F9: variants seen among roughly 807,000 people sequenced by gnomAD.
The protein encoded by F9 is Christmas factor.
A neutral mutation model predicts 34.1 loss-of-function variants in F9; 2 were observed. That is an observed-to-expected ratio of 0.06 (90% CI 0.02 to 0.18). The LOEUF (loss-of-function observed/expected upper bound fraction) is 0.18. Ranked by LOEUF, F9 falls within the 10% of genes least tolerant of loss-of-function variation. F9 has a pLI of 1.00. For synonymous variants in F9, 137 were observed against 118.8 expected, an observed-to-expected ratio of 1.15 and a Z score of -1.00; for missense variants, 216 against 345.1, an observed-to-expected ratio of 0.63 and a Z score of 2.96.
At chrX:139,536,216 C>CATATATGTACACACATATATGT (rs1234858162) in intron 1 of F9, among the ~76,000 whole-genome samples, 3 of 89,257 alleles carry the variant, frequency 3.4e-5, no homozygotes, top group Non-Finnish European at 4.5e-5. Flanking sequence ...TATACACACA[C>CATATATGTACACACATATATGT]ATATATATGT....
chrX:139,558,693 G>A lies in F9; in HGVS notation c.724-2048G>A, dbSNP rs4149738. Among the ~76,000 whole-genome samples, 459 of 111,998 alleles carry A rather than the reference G, an allele frequency of 4.1e-3. 1 individual carries two copies. The highest frequency in any genetic ancestry group is 0.014 in the African/African-American group (437 of 30,797). ...ACAAAGTATGTAGCCATTCCTGCCC[G>A]GAGTGAGGACTTTTAAAACATAAAG... On this transcript the variant is annotated intron_variant, in intron 6 of 7. Transcript: ENST00000218099.
rs140835723 is a variant in F9, at chrX:139,551,237, T to C, written c.696T>C (p.Asp232=). 233 of 1,209,478 alleles carry C rather than the reference T, an allele frequency of 1.9e-4. No individual in the cohort carries two copies. In the African/African-American group the frequency reaches 3.8e-3, roughly 20 times the overall value. Residue 232 remains aspartate, a synonymous_variant, in exon 6 of 8, where the codon GAT becomes GAC. Transcript: ENST00000218099. ...NDFTRVVGGE[D]AKPGQFPWQV... is the part of the protein sequence containing the mutation. ...TCACTCGGGTTGTTGGTGGAGAAGA[T>C]GCCAAACCAGGTCAATTCCCTTGGC...
At chrX:139,537,277 T>C (rs773550547) in intron 2 of F9, 85 bp from the exon 3 acceptor site, 1 of 1,086,948 alleles carries the variant, frequency 9.2e-7, no homozygotes, top group East Asian at 3.1e-5. Context: ...TATATTTATG[T>C]ATGTTAAATG....
At chrX:139,548,288 T>G in intron 4 of F9, 75 bp from the exon 5 acceptor site, 1 of 1,093,212 alleles carries the variant, frequency 9.1e-7, no homozygotes, top group Admixed American at 2.2e-5. Context: ...GACCCATACA[T>G]GAGTCAGTAG....
Position 139,537,018 on chromosome X carries a change from G to C in F9, c.97G>C (p.Asp33His), listed in dbSNP as rs2148356001. The change falls in exon 2 of 8, where the codon GAT becomes CAT. Residue 33 changes from aspartate (D) to histidine (H), a missense_variant. Physicochemically the swap from Asp to His is moderately conservative, Grantham distance 81. This residue lies in a region of F9 where 39 missense variants were observed against 33.3 expected (regional missense o/e 1.17). Coordinates refer to ENST00000218099, the MANE Select transcript of F9 (RefSeq NM_000133.4). Reference protein sequence around the residue: ...LLSAECTVFLDHENANKILNR... With the variant: ...LLSAECTVFLHHENANKILNR... ...ATTCTTTTACATTTCAGTTTTTCTTGATCATGAAAACGCCAACAAAATTCT... is the reference window on the plus strand; with the variant it reads ...ATTCTTTTACATTTCAGTTTTTCTTCATCATGAAAACGCCAACAAAATTCT... The C allele has an allele frequency of 2.5e-6, 3 of 1,205,353 alleles. No homozygotes were observed. The East Asian group carries it at 8.9e-5, about 36-fold the overall frequency.
chrX:139,555,078 A>T (rs998490056), intron 6 of F9, among the ~76,000 whole-genome samples: 3 of 112,469 alleles, frequency 2.7e-5, no homozygotes, highest in African/African-American at 9.7e-5. Flanking sequence ...TCTGACCTCC[A>T]TTAAGAAAGC....
intron 1 of F9, among the ~76,000 whole-genome samples, chrX:139,534,887 A>G (rs1927420994): frequency 9.0e-6 from 1 of 111,568 alleles, no homozygotes; most frequent in Non-Finnish European, 1.9e-5. Context: ...TGAGGCATCA[A>G]TATGTGGTGG....
chrX:139,537,322 T>C (rs765856466), intron 2 of F9, 40 bp from the exon 3 acceptor site: 15 of 1,157,673 alleles, frequency 1.3e-5, no homozygotes, highest in Non-Finnish European at 1.5e-5. Context: ...CAAAACACTT[T>C]AGATATTACC....
At chrX:139,551,815 A>G (rs184489894) in intron 6 of F9, among the ~76,000 whole-genome samples, 1 of 111,551 alleles carries the variant, frequency 9.0e-6, no homozygotes, top group East Asian at 2.9e-4. Context: ...CACTAGACCT[A>G]CCAAATCAGA....
chrX:139,536,290 T>G (rs746885014), intron 1 of F9, among the ~76,000 whole-genome samples: 50 of 101,012 alleles, frequency 4.9e-4, no homozygotes, highest in Middle Eastern at 0.01. Flanking sequence ...CACACACACA[T>G]AGAGAGAGAG....
chrX:139,553,783 A>T (rs2148363814), intron 6 of F9, among the ~76,000 whole-genome samples: 1 of 93,988 alleles, frequency 1.1e-5, no homozygotes, highest in Non-Finnish European at 2.1e-5. Context: ...ACTGCACTCC[A>T]GCCTGGGCGA....
At chrX:139,549,608 G>T (rs1203889270) in intron 5 of F9, among the ~76,000 whole-genome samples, 1 of 112,641 alleles carries the variant, frequency 8.9e-6, no homozygotes, top group Non-Finnish European at 1.9e-5. Flanking sequence ...GCAGGAACAT[G>T]TCCTTAAGGC....
At position 139,563,379 on chromosome X, in the gene F9, A is replaced by G. The variant is rs1928170322; in HGVS notation, c.*1308A>G. 1 of 111,657 alleles carries G rather than the reference A, an allele frequency of 9.0e-6. No individual in the cohort carries two copies. Among genetic ancestry groups the G allele is most frequent in the African/African-American group, 3.3e-5 (1 of 30,708 alleles). 9.2% of individuals were successfully genotyped at this position (111,657 alleles called of 1,213,427 possible). A position where few individuals can be genotyped will look rare whatever the true frequency, so the allele number is the denominator to read the frequency against. ...CATTTTGATTATAGTTAATCCTTCT[A>G]TCTTGAATCTTCTAGAGAGTTGCTG... On this transcript the variant is annotated 3_prime_UTR_variant, in exon 8 of 8. Transcript: ENST00000218099.
intron 5 of F9, 138 bp downstream of exon 5, chrX:139,548,629 C>T (rs1283646930): frequency 1.3e-5 from 8 of 599,753 alleles, no homozygotes; most frequent in Admixed American, 4.4e-5. Context: ...TTGAATTAGA[C>T]CAATTAATTT....
chrX:139,552,611 A>T (rs894053397), intron 6 of F9, among the ~76,000 whole-genome samples: 1 of 112,398 alleles, frequency 8.9e-6, no homozygotes, highest in African/African-American at 3.2e-5. Context: ...CAATTCCTCA[A>T]TTGCACCTGC....
chrX:139,539,507 C>T (rs1407144938), intron 3 of F9, among the ~76,000 whole-genome samples: 1 of 112,232 alleles, frequency 8.9e-6, no homozygotes, highest in Non-Finnish European at 1.9e-5. Context: ...TTGCCTGAAC[C>T]CAAAGTACAC....
At chrX:139,545,443 G>A in intron 4 of F9, among the ~76,000 whole-genome samples, 1 of 111,457 alleles carries the variant, frequency 9.0e-6, no homozygotes, top group South Asian at 3.7e-4. Context: ...AAAACAAGAT[G>A]GCAGGAATAA....
chrX:139,555,855 A>G (rs1648447050), intron 6 of F9, among the ~76,000 whole-genome samples: 1 of 111,874 alleles, frequency 8.9e-6, no homozygotes, highest in Admixed American at 9.5e-5. Context: ...ATATTAGTGA[A>G]AAAAGGGAAA....
intron 6 of F9, among the ~76,000 whole-genome samples, chrX:139,558,859 C>T (rs1928030851): frequency 8.9e-6 from 1 of 111,832 alleles, no homozygotes; most frequent in Non-Finnish European, 1.9e-5. Flanking sequence ...GATTAGCCCC[C>T]AGATCTGCAT....
Sources: gnomAD v4.1 joint callset for allele counts (sites outside exome capture counted in the v4.1 genomes callset) on GRCh38, gnomAD v4.1.1 for gene constraint, gnomAD v4.1.1 regional missense constraint, MANE v1.5 for transcripts, NCBI Gene and HGNC (gene_info 2026-07-23, HGNC 2026-07-21) for gene names.